LIMS1: variants seen among roughly 807,000 people sequenced by gnomAD.
The protein encoded by LIMS1 is LIM and senescent cell antigen-like-containing domain protein 1.
Under a neutral mutation model 44.1 loss-of-function variants are expected in LIMS1, and 18 were observed. The ratio of observed to expected loss-of-function variants is 0.41; its 90% confidence interval spans 0.28 to 0.61. LIMS1 has a LOEUF of 0.61. Among genes scored for constraint, LIMS1 ranks in the 20% least tolerant of loss-of-function variants. LIMS1 has a pLI of 0.32. For missense variants in LIMS1, 201 were observed against 422.0 expected (o/e 0.48, Z 4.59); for synonymous variants, 93 against 149.1 (o/e 0.62, Z 2.74).
At chr2:108,587,289 T>G (rs892204481) in intron 1 of LIMS1, among the ~76,000 whole-genome samples, 2 of 83,060 alleles carry the variant, frequency 2.4e-5, no homozygotes, top group African/African-American at 3.5e-5. Flanking sequence ...TTTCTTGGGG[T>G]TTGTGTGTGT....
chr2:108,617,302 T>C (rs1470855851), intron 1 of LIMS1, among the ~76,000 whole-genome samples: 1 of 152,252 alleles, frequency 6.6e-6, no homozygotes, highest in East Asian at 1.9e-4. Context: ...ATGACAAGTT[T>C]AGGCAAAAAT....
chr2:108,640,994 A>G (rs1239422057), intron 1 of LIMS1, among the ~76,000 whole-genome samples: 2 of 152,074 alleles, frequency 1.3e-5, no homozygotes, highest in Non-Finnish European at 2.9e-5. Flanking sequence ...TGTGAGTTCA[A>G]TTGTATTTTT....
rs184927454 is a variant in LIMS1 at position 108,669,794 on chromosome 2, A to G, written c.193-987A>G. Among the ~76,000 whole-genome samples, 773 of 152,214 alleles carry G rather than the reference A, an allele frequency of 5.1e-3. 9 individuals are homozygous for G. The highest frequency in any genetic ancestry group is 0.018 in the African/African-American group (741 of 41,538). On this transcript the variant is annotated intron_variant, in intron 2 of 9. Coordinates refer to ENST00000544547, the Ensembl canonical transcript of LIMS1. ...ATATTGAACCTGAGTCTTCTAGTGGAAAGCCATATTGATGCATGAGATACA... is the reference window on the plus strand; with the variant it reads ...ATATTGAACCTGAGTCTTCTAGTGGGAAGCCATATTGATGCATGAGATACA...
intron 1 of LIMS1, among the ~76,000 whole-genome samples, chr2:108,618,569 G>C (rs1163424615): frequency 6.6e-6 from 1 of 152,144 alleles, no homozygotes; most frequent in Non-Finnish European, 1.5e-5. Flanking sequence ...GCTCACGCCT[G>C]TAATCCCAGC....
intron 2 of LIMS1, among the ~76,000 whole-genome samples, chr2:108,666,112 T>A (rs951911295): frequency 1.3e-5 from 2 of 152,072 alleles, no homozygotes; most frequent in African/African-American, 4.8e-5. Flanking sequence ...CCACACTATC[T>A]ACCTGGAGAC....
chr2:108,591,584 C>T (rs2104686339), intron 1 of LIMS1, among the ~76,000 whole-genome samples: 1 of 152,184 alleles, frequency 6.6e-6, no homozygotes, highest in African/African-American at 2.4e-5. Context: ...TCCCGCCTCC[C>T]AAATAGCTGT....
At chr2:108,553,029 A>G (rs756379748) in intron 1 of LIMS1, among the ~76,000 whole-genome samples, 1 of 152,226 alleles carries the variant, frequency 6.6e-6, no homozygotes, top group Non-Finnish European at 1.5e-5. Context: ...ATGGCTCTGA[A>G]GAAGGTACCA....
At chr2:108,617,702 A>G (rs2148865722) in intron 1 of LIMS1, among the ~76,000 whole-genome samples, 1 of 152,326 alleles carries the variant, frequency 6.6e-6, no homozygotes, top group South Asian at 2.1e-4. Flanking sequence ...TGATCCTTGT[A>G]GTGAGTCTTA....
chr2:108,581,320 A>G (rs1312161209), intron 1 of LIMS1, among the ~76,000 whole-genome samples: 1 of 152,218 alleles, frequency 6.6e-6, no homozygotes, highest in Admixed American at 6.5e-5. Context: ...CTAAGTGACT[A>G]GGGGCTTTCC....
At chr2:108,616,560 G>A (rs1447037430) in intron 1 of LIMS1, among the ~76,000 whole-genome samples, 2 of 152,156 alleles carry the variant, frequency 1.3e-5, no homozygotes, top group Non-Finnish European at 2.9e-5. Context: ...TGTGTCAGAG[G>A]TCCAGGAAGC....
At chr2:108,603,282 A>C (rs1687106817) in intron 1 of LIMS1, among the ~76,000 whole-genome samples, 1 of 152,038 alleles carries the variant, frequency 6.6e-6, no homozygotes, top group South Asian at 2.1e-4. Context: ...CTTTACTGGG[A>C]GACTTTTTAT....
At chr2:108,629,856 T>C (rs1196046834) in intron 1 of LIMS1, among the ~76,000 whole-genome samples, 1 of 152,120 alleles carries the variant, frequency 6.6e-6, no homozygotes, top group Non-Finnish European at 1.5e-5. Context: ...CTTTGTCCCA[T>C]GGCAGCTGCA....
chr2:108,540,836 G>A lies in LIMS1; in HGVS notation c.32+6242G>A, dbSNP rs559077006. On this transcript the variant is annotated intron_variant, in intron 1 of 9. Transcript: ENST00000544547. ...GCCCAAGATGTGGTTGTATTGTGGG[G>A]TCTCCTCTGCTATATTACGTTGGTT... Among the ~76,000 whole-genome samples, 14 of 152,260 alleles carry A rather than the reference G, an allele frequency of 9.2e-5. No homozygotes were observed. The South Asian group carries it at 1.0e-3, about 11-fold the overall frequency.
intron 1 of LIMS1, among the ~76,000 whole-genome samples, chr2:108,628,035 G>A (rs1427925853): frequency 6.6e-6 from 1 of 152,176 alleles, no homozygotes; most frequent in Non-Finnish European, 1.5e-5. Flanking sequence ...ACCCCTGAAG[G>A]GAGATGCTTC....
intron 1 of LIMS1, among the ~76,000 whole-genome samples, chr2:108,583,765 G>C (rs1308717656): frequency 6.8e-6 from 1 of 146,920 alleles, no homozygotes; most frequent in Non-Finnish European, 1.5e-5. Flanking sequence ...TGTGATCTCA[G>C]CTTACTGCAA....
intron 1 of LIMS1, among the ~76,000 whole-genome samples, chr2:108,539,452 G>A (rs1190691806): frequency 6.6e-6 from 1 of 152,196 alleles, no homozygotes; most frequent in African/African-American, 2.4e-5. Context: ...CCATGTTCTA[G>A]TCCTAGTTCT....
chr2:108,669,779 T>C (rs1462086097), intron 2 of LIMS1, among the ~76,000 whole-genome samples: 4 of 151,722 alleles, frequency 2.6e-5, no homozygotes, highest in Non-Finnish European at 4.4e-5. Context: ...ATATTGAACC[T>C]GAGTCTTCTA....
intron 1 of LIMS1, among the ~76,000 whole-genome samples, chr2:108,604,848 G>A (rs1687189622): frequency 6.6e-6 from 1 of 152,128 alleles, no homozygotes; most frequent in South Asian, 2.1e-4. Flanking sequence ...TTTGATCTCC[G>A]CCAGGTAAGA....
intron 1 of LIMS1, among the ~76,000 whole-genome samples, chr2:108,575,878 A>G (rs1260230259): frequency 6.6e-6 from 1 of 152,142 alleles, no homozygotes; most frequent in African/African-American, 2.4e-5. Context: ...TTTGTAGCCA[A>G]AACCAAACCA....
Sources: gnomAD v4.1 joint callset for allele counts (sites outside exome capture counted in the v4.1 genomes callset) on GRCh38, gnomAD v4.1.1 for gene constraint, MANE v1.5 for transcripts, NCBI Gene and HGNC (gene_info 2026-07-23, HGNC 2026-07-21) for gene names.